Variants in TULP4 observed in about 807,000 individuals in gnomAD.
TULP4 encodes tubby-related protein 4.
Under a neutral mutation model 129.0 loss-of-function variants are expected in TULP4, and 16 were observed. That is an observed-to-expected ratio of 0.12 (90% CI 0.08 to 0.19). The LOEUF is 0.19. Ranked by LOEUF, TULP4 falls within the 10% of genes least tolerant of loss-of-function variation. The pLI, the probability that TULP4 is intolerant of heterozygous loss-of-function variation, is 1.00. For synonymous variants in TULP4, 998 were observed against 854.0 expected (o/e 1.17, Z -2.94); for missense variants, 1,842 against 2,059.1 (o/e 0.89, Z 2.04).
intron 6 of TULP4, among the ~76,000 whole-genome samples, chr6:158,467,077 T>C (rs1196750215): frequency 6.6e-6 from 1 of 152,082 alleles, no homozygotes; most frequent in Non-Finnish European, 1.5e-5. Flanking sequence ...ACACTCCACC[T>C]CTTAAATAAT....
chr6:158,415,526 G>GT (rs1387904068), intron 2 of TULP4, among the ~76,000 whole-genome samples: 1 of 139,792 alleles, frequency 7.2e-6, no homozygotes, highest in Non-Finnish European at 1.6e-5. Context: ...ATTTTTTTTT[G>GT]TATTTTTTTT....
At chr6:158,295,810 G>A (rs1156922610) in intron 1 of TULP4, among the ~76,000 whole-genome samples, 5 of 152,194 alleles carry the variant, frequency 3.3e-5, no homozygotes, top group African/African-American at 4.8e-5. Flanking sequence ...AGAATGGCAC[G>A]AACCTGGGAG....
At chr6:158,363,062 CAAAAAAA>C (rs11373437) in intron 1 of TULP4, among the ~76,000 whole-genome samples, 9 of 88,012 alleles carry the variant, frequency 1.0e-4, no homozygotes, top group African/African-American at 2.7e-4. Context: ...GACTCCATCT[CAAAAAAA>C]AAAAAAAAAA....
intron 3 of TULP4, among the ~76,000 whole-genome samples, chr6:158,445,482 G>A (rs1779015230): frequency 6.6e-6 from 1 of 152,204 alleles, no homozygotes; most frequent in Non-Finnish European, 1.5e-5. Context: ...TATTCATTGA[G>A]TCACTGAGTG....
chr6:158,464,163 C>A (rs1583906552), intron 6 of TULP4, among the ~76,000 whole-genome samples: 1 of 152,308 alleles, frequency 6.6e-6, no homozygotes, highest in East Asian at 1.9e-4. Context: ...GACACAGTCT[C>A]AAGAGGTCCT....
At chr6:158,299,035 G>C (rs77740226) in intron 1 of TULP4, among the ~76,000 whole-genome samples, 1 of 151,904 alleles carries the variant, frequency 6.6e-6, no homozygotes, top group Non-Finnish European at 1.5e-5. Flanking sequence ...AGACAGAAAC[G>C]TTTCCCCTTC....
intron 1 of TULP4, among the ~76,000 whole-genome samples, chr6:158,354,860 T>G (rs1376561192): frequency 7.4e-6 from 1 of 134,906 alleles, no homozygotes; most frequent in African/African-American, 2.9e-5. Flanking sequence ...TGTACTCCAG[T>G]CTAGGTGACA....
chr6:158,496,131 T>G (rs1445193898), intron 11 of TULP4, among the ~76,000 whole-genome samples: 1 of 152,184 alleles, frequency 6.6e-6, no homozygotes, highest in Admixed American at 6.5e-5. Flanking sequence ...GAGGTCCCTA[T>G]GTGAGTTGAG....
chr6:158,411,574 C>T (rs1281316326), intron 1 of TULP4, among the ~76,000 whole-genome samples: 4 of 152,194 alleles, frequency 2.6e-5, no homozygotes, highest in Non-Finnish European at 5.9e-5. Context: ...CTATGATATT[C>T]TTCACACTTT....
intron 9 of TULP4, among the ~76,000 whole-genome samples, chr6:158,490,541 A>G (rs752444117): frequency 2.6e-5 from 4 of 152,202 alleles, no homozygotes; most frequent in Non-Finnish European, 4.4e-5. Context: ...AAACTAAGGT[A>G]TAAGTTACAT....
At chr6:158,394,638 T>C (rs1051145415) in intron 1 of TULP4, among the ~76,000 whole-genome samples, 1 of 150,670 alleles carries the variant, frequency 6.6e-6, no homozygotes, top group Non-Finnish European at 1.5e-5. Flanking sequence ...AAAAAAAAAA[T>C]TAGCCGGACG....
chr6:158,314,221 A>G lies in TULP4; in HGVS notation c.205A>G (p.Ser69Gly). 6.2e-7 allele frequency: 1 copy of G among 1,614,202 alleles called. No individual in the cohort carries two copies. The highest frequency in any genetic ancestry group is 8.5e-7 in the Non-Finnish European group (1 of 1,180,040). ...FTSSHCRRDR[S>G]TPQRINFNLR... ...CTCTAGTCACTGTCGCAGGGACAGG[A>G]GTACTCCACAGAGGATAAATTTCAA... is the stretch of plus-strand genomic sequence containing the variant. Residue 69 changes from serine (S) to glycine (G), a missense_variant, in exon 1 of 14, where the codon AGT (serine) becomes GGT (glycine). Ser to Gly is a moderately conservative substitution (Grantham distance 56, BLOSUM62 0). Transcript: ENST00000367097.
At chr6:158,433,817 G>A (rs1316818877) in intron 3 of TULP4, among the ~76,000 whole-genome samples, 1 of 152,206 alleles carries the variant, frequency 6.6e-6, no homozygotes, top group African/African-American at 2.4e-5. Context: ...CCATTAAATT[G>A]CAAGAAGGGA....
rs1037568557 is a variant in TULP4 at position 158,503,247 on chromosome 6, A to C, written c.3584A>C (p.Tyr1195Ser). ...YGMGVPYPGS[Y>S]NNPPLPGVQA... ...ATGGGAGTGCCATATCCAGGAAGCT[A>C]TAACAACCCCCCTTTGCCTGGAGTG... The change falls in exon 13 of 14, where the codon TAT (tyrosine) becomes TCT (serine). Residue 1195 changes from tyrosine (Y) to serine (S), a missense_variant. This residue lies in a region of TULP4 where 1,089 missense variants were observed against 987.1 expected (regional missense o/e 1.10). Coordinates refer to ENST00000367097, the MANE Select transcript of TULP4 (RefSeq NM_020245.5). The surrounding 1 kb of genome is among the most constrained non-coding windows in gnomAD (Gnocchi z 4.3). 6.2e-7 allele frequency: 1 copy of C among 1,614,002 alleles called. No homozygotes were observed. Among genetic ancestry groups the C allele is most frequent in the Non-Finnish European group, 8.5e-7 (1 of 1,179,998 alleles).
chr6:158,495,118 C>T (rs1216348559), intron 11 of TULP4, among the ~76,000 whole-genome samples: 1 of 151,608 alleles, frequency 6.6e-6, no homozygotes, highest in African/African-American at 2.4e-5. Context: ...TATAGTGACA[C>T]GATCACAGCT....
chr6:158,501,800 C>T lies in TULP4; in HGVS notation c.2137C>T (p.Leu713=). 6.2e-7 allele frequency: 1 copy of T among 1,614,178 alleles called. No individual in the cohort carries two copies. Among genetic ancestry groups the T allele is most frequent in the Non-Finnish European group, 8.5e-7 (1 of 1,180,042 alleles). The change falls in exon 13 of 14, where the codon CTA becomes TTA. Residue 713 remains leucine, a synonymous_variant. Transcript: ENST00000367097. ...PTQSIGLVQS[L]LANQNVQLDV... is the part of the protein sequence containing the mutation. Reference sequence around the variant, plus strand: ...GCAGAGCATAGGGCTGGTGCAGTCCCTACTGGCCAATCAGAATGTGCAGCT... The same window carrying T: ...GCAGAGCATAGGGCTGGTGCAGTCCTTACTGGCCAATCAGAATGTGCAGCT...
At chr6:158,417,345 G>T (rs915442913) in intron 2 of TULP4, among the ~76,000 whole-genome samples, 5 of 152,180 alleles carry the variant, frequency 3.3e-5, no homozygotes, top group African/African-American at 1.2e-4. Context: ...AGCCCTGGAG[G>T]CAAATGAGCT....
chr6:158,337,035 T>TTTTCTTTCTTTCTTTCTTTC (rs777358592), intron 1 of TULP4, among the ~76,000 whole-genome samples: 215 of 26,682 alleles, frequency 8.1e-3, no homozygotes, highest in Admixed American at 0.014. Flanking sequence ...CTTTCTTTCT[T>TTTTCTTTCTTTCTTTCTTTC]TTTCTTTCTT....
chr6:158,487,764 G>A (rs1360281198), intron 8 of TULP4, among the ~76,000 whole-genome samples: 1 of 152,264 alleles, frequency 6.6e-6, no homozygotes, highest in Non-Finnish European at 1.5e-5. Flanking sequence ...GTGTGGAATT[G>A]TAACACTGAA....
Sources: allele counts gnomAD v4.1 joint callset (sites outside exome capture counted in the v4.1 genomes callset), GRCh38; gene constraint gnomAD v4.1.1; regional missense constraint gnomAD v4.1.1; non-coding constraint Gnocchi (gnomAD v3.1); transcripts MANE v1.5; gene names NCBI Gene and HGNC (gene_info 2026-07-23, HGNC 2026-07-21).